PARN: variants seen among roughly 807,000 people sequenced by gnomAD.
PARN encodes the protein poly(A)-specific ribonuclease, also known as poly(A)-specific ribonuclease PARN.
A neutral mutation model predicts 102.8 loss-of-function variants in PARN; 71 were observed. The ratio of observed to expected loss-of-function variants is 0.69; its 90% CI spans 0.57 to 0.84. The LOEUF is 0.84. Among genes scored for constraint, PARN ranks in the 40% least tolerant of loss-of-function variants. The pLI is 0.00. For missense variants in PARN, 782 were observed against 760.9 expected (o/e 1.03, Z -0.33); for synonymous variants, 261 against 252.9 (o/e 1.03, Z -0.30).
rs999818437 is a variant in PARN, at chr16:14,628,386, T to A, written c.98-135A>T. 5.0e-6 allele frequency: 3 copies of A among 603,736 alleles called. No individual in the cohort carries two copies. In the East Asian group the frequency reaches 8.5e-5, roughly 17 times the overall value. 37.4% of individuals were successfully genotyped at this position (603,736 alleles called of 1,614,324 possible). A position where few individuals can be genotyped will look rare whatever the true frequency, so the allele number is the denominator to read the frequency against. The stretch of plus-strand genomic sequence containing the variant: ...GGAAGCACTCCCTAACTTACTTTTT[T>A]AAAATAAGCATTAATTTCAGTGGCC... On this transcript the variant is annotated intron_variant, in intron 2 of 23. Transcript: ENST00000437198.
chr16:14,617,370 C>A (rs565782078), intron 6 of PARN, among the ~76,000 whole-genome samples: 1 of 121,226 alleles, frequency 8.2e-6, no homozygotes, highest in Non-Finnish European at 1.6e-5. Context: ...GGCAACAGAG[C>A]GAGACTCTTC....
At chr16:14,539,183 AAACC>A (rs1966745530) in intron 21 of PARN, among the ~76,000 whole-genome samples, 1 of 152,228 alleles carries the variant, frequency 6.6e-6, no homozygotes, top group South Asian at 2.1e-4. Flanking sequence ...GTCTTTCACA[AAACC>A]AGTCCCTGGT....
chr16:14,509,347 G>A (rs1013955264), intron 21 of PARN, among the ~76,000 whole-genome samples: 2 of 152,164 alleles, frequency 1.3e-5, no homozygotes, highest in African/African-American at 2.4e-5. Flanking sequence ...AACAAACAGC[G>A]CACTTAGGAG....
chr16:14,596,318 G>A (rs1970506566), intron 12 of PARN, among the ~76,000 whole-genome samples: 1 of 151,920 alleles, frequency 6.6e-6, no homozygotes, highest in Non-Finnish European at 1.5e-5. Flanking sequence ...ATGGCCAAAG[G>A]TGGTACAATT....
chr16:14,603,391 T>C (rs1970994494), intron 11 of PARN, among the ~76,000 whole-genome samples: 1 of 152,188 alleles, frequency 6.6e-6, no homozygotes, highest in South Asian at 2.1e-4. Context: ...AATGTACATA[T>C]GAGCATGACA....
At chr16:14,596,573 A>T (rs1194376766) in intron 12 of PARN, among the ~76,000 whole-genome samples, 7 of 151,178 alleles carry the variant, frequency 4.6e-5, no homozygotes, top group African/African-American at 7.3e-5. Flanking sequence ...CCTTCTCCAC[A>T]AAAAAAATAT....
At position 14,464,006 on chromosome 16, in the gene PARN, T is replaced by G. The variant is rs766532700; in HGVS notation, c.1671-16925A>C. Among the ~76,000 whole-genome samples, 5 of 152,030 alleles carry G rather than the reference T, an allele frequency of 3.3e-5. No individual in the cohort carries two copies. In the South Asian group the frequency reaches 6.2e-4, roughly 19 times the overall value. On this transcript the variant is annotated intron_variant, in intron 22 of 23. Transcript: ENST00000437198. The stretch of plus-strand genomic sequence containing the variant: ...GTGCCACCACGTCCAGCTAATTTTT[T>G]TGTGTGTGTATTTTTTTGAAGAGAC...
At chr16:14,515,157 CTT>C (rs1453143161) in intron 21 of PARN, among the ~76,000 whole-genome samples, 1 of 152,134 alleles carries the variant, frequency 6.6e-6, no homozygotes, top group African/African-American at 2.4e-5. Context: ...ACTGATCAGC[CTT>C]TGAGATGGGA....
intron 21 of PARN, among the ~76,000 whole-genome samples, chr16:14,492,374 C>G (rs1017901050): frequency 2.0e-5 from 3 of 152,166 alleles, no homozygotes; most frequent in Admixed American, 6.5e-5. Flanking sequence ...CTTACAGAGA[C>G]ACAGAGTGCA....
intron 6 of PARN, among the ~76,000 whole-genome samples, chr16:14,612,462 A>G (rs1264917628): frequency 6.6e-6 from 1 of 152,150 alleles, no homozygotes; most frequent in African/African-American, 2.4e-5. Context: ...AAATAAAAAA[A>G]ACACCTTGCT....
chr16:14,479,036 C>A (rs1238721314), intron 22 of PARN, among the ~76,000 whole-genome samples: 1 of 152,174 alleles, frequency 6.6e-6, no homozygotes, highest in Non-Finnish European at 1.5e-5. Context: ...TCCTAAAGTG[C>A]TGGGATTATA....
At position 14,582,197 on chromosome 16, in the gene PARN, G is replaced by A. The variant is rs1969574262; in HGVS notation, c.1176C>T (p.Ser392=). The part of the protein sequence containing the change: ...DAYITGLCFI[S]MANYLGSFLS... Reference sequence around the variant, plus strand: ...AATGCGTACCTAGGTAATTGGCCATGGAGATGAAGCACAGCCCTGTGATGT... The same window carrying A: ...AATGCGTACCTAGGTAATTGGCCATAGAGATGAAGCACAGCCCTGTGATGT... The change falls in exon 17 of 24, where the codon TCC becomes TCT. Residue 392 remains serine, a synonymous_variant. Coordinates refer to ENST00000437198, the MANE Select transcript of PARN (RefSeq NM_002582.4). 1 of 1,606,634 alleles carries A rather than the reference G, an allele frequency of 6.2e-7. No homozygotes were observed. Among genetic ancestry groups the A allele is most frequent in the Admixed American group, 1.7e-5 (1 of 59,988 alleles).
rs1415606702 is a variant in PARN, at chr16:14,630,214, T to C, written c.-89A>G. On this transcript the variant is annotated 5_prime_UTR_variant, in exon 1 of 24. Transcript: ENST00000437198. ...CCGAATTCCGCGGCGACTGCGGCAG[T>C]AGCTGAGGCAGCCGCAGCGGTGACG... 7.7e-6 allele frequency: 9 copies of C among 1,175,874 alleles called. No homozygotes were observed. In the East Asian group the frequency reaches 8.2e-5, roughly 11 times the overall value. The allele number at this position is 1,175,874 out of a possible 1,614,324, so 72.8% of individuals were successfully genotyped here.
intron 13 of PARN, among the ~76,000 whole-genome samples, chr16:14,591,729 C>T (rs943169755): frequency 6.6e-6 from 1 of 151,998 alleles, no homozygotes; most frequent in African/African-American, 2.4e-5. Context: ...AGAAATAAGG[C>T]CGCTTGCAAC....
chr16:14,567,384 T>C (rs1968495623), intron 18 of PARN, among the ~76,000 whole-genome samples: 1 of 152,176 alleles, frequency 6.6e-6, no homozygotes, highest in Non-Finnish European at 1.5e-5. Context: ...GGAGACTATT[T>C]TTTAAAGACG....
chr16:14,585,071 T>C (rs1969759597), intron 14 of PARN, among the ~76,000 whole-genome samples: 1 of 152,186 alleles, frequency 6.6e-6, no homozygotes, highest in South Asian at 2.1e-4. Flanking sequence ...GGAGTACAAG[T>C]TCTAGATTCA....
At chr16:14,455,808 T>C (rs906850527) in intron 22 of PARN, among the ~76,000 whole-genome samples, 4 of 152,254 alleles carry the variant, frequency 2.6e-5, no homozygotes, top group Non-Finnish European at 4.4e-5. Flanking sequence ...TACATGTTGC[T>C]GTCCTGGTTC....
rs370717086 is a variant in PARN, at chr16:14,482,736, T to C, written c.1572A>G (p.Arg524=). The C allele has an allele frequency of 9.9e-5, 159 of 1,613,830 alleles. 1 individual carries two copies. Among genetic ancestry groups the C allele is most frequent in the Middle Eastern group, 1.6e-4 (1 of 6,084 alleles). The change falls in exon 22 of 24, where the codon AGA becomes AGG. Residue 524 remains arginine (R), a synonymous_variant. Coordinates refer to ENST00000437198, the MANE Select transcript of PARN (RefSeq NM_002582.4). ...CCTTCCAGCTATCTTCAGTCCACTTTCTTTTGATCTGCTTCTCTTCCTGTT... is the reference window on the plus strand; with the variant it reads ...CCTTCCAGCTATCTTCAGTCCACTTCCTTTTGATCTGCTTCTCTTCCTGTT... ...GRKQEEKQIK[R]KWTEDSWKEA... is the part of the protein sequence containing the mutation.
chr16:14,506,695 A>G (rs984460263), intron 21 of PARN, among the ~76,000 whole-genome samples: 20 of 152,224 alleles, frequency 1.3e-4, no homozygotes, highest in Non-Finnish European at 2.1e-4. Context: ...GAAATTTTTC[A>G]GAATCAAAAG....
Sources: gnomAD v4.1 joint callset for allele counts (sites outside exome capture counted in the v4.1 genomes callset) on GRCh38, gnomAD v4.1.1 for gene constraint, MANE v1.5 for transcripts, NCBI Gene and HGNC (gene_info 2026-07-23, HGNC 2026-07-21) for gene names.